The following ZNF229 variants were observed in gnomAD, a reference collection of about 807,000 sequenced individuals.
ZNF229 encodes zinc finger protein 229.
Under a neutral mutation model 11.8 loss-of-function variants are expected in ZNF229, and 10 were observed. The ratio of observed to expected loss-of-function variants is 0.85; its 90% CI spans 0.52 to 1.44. The LOEUF is 1.44. Among genes scored for constraint, ZNF229 ranks in the 40% most tolerant of loss-of-function variants. ZNF229 has a pLI of 0.00. For missense variants in ZNF229, 1,045 were observed against 1,015.1 expected, an observed-to-expected ratio of 1.03 and a Z score of -0.40; for synonymous variants, 368 against 374.8, an observed-to-expected ratio of 0.98 and a Z score of 0.21.
Position 44,429,350 on chromosome 19 carries a change from G to A in ZNF229, c.1431C>T (p.Ser477=). Residue 477 remains serine, a synonymous_variant, in exon 6 of 6, where the codon AGC becomes AGT. Transcript: ENST00000614049. ...GKGFSCSSHL[S]SHQKTHTGER... Reference sequence around the variant, plus strand: ...CGCCGGTGTGTGTCTTCTGATGACTGCTGAGGTGGGAGCTGCAGCTGAATC... The same window carrying A: ...CGCCGGTGTGTGTCTTCTGATGACTACTGAGGTGGGAGCTGCAGCTGAATC... The A allele has an allele frequency of 6.2e-7, 1 of 1,614,074 alleles. No homozygotes were observed. Among genetic ancestry groups the A allele is most frequent in the South Asian group, 1.1e-5 (1 of 91,080 alleles).
At chr19:44,432,417 G>T in intron 4 of ZNF229, 51 bp from the exon 5 acceptor site, 1 of 1,598,362 alleles carries the variant, frequency 6.3e-7, no homozygotes, top group Non-Finnish European at 8.5e-7. Context: ...AGACAAACTG[G>T]TGTCCACAGA....
At chr19:44,441,593 A>G (rs1971910274) in intron 4 of ZNF229, among the ~76,000 whole-genome samples, 1 of 152,208 alleles carries the variant, frequency 6.6e-6, no homozygotes, top group African/African-American at 2.4e-5. Flanking sequence ...TAGAATCTAG[A>G]CAAAAGAACG....
chr19:44,447,350 C>T (rs758164865), intron 2 of ZNF229, among the ~76,000 whole-genome samples, 163 bp downstream of exon 2: 4 of 152,124 alleles, frequency 2.6e-5, no homozygotes, highest in Non-Finnish European at 5.9e-5. Flanking sequence ...GAAGAGAATA[C>T]ACTAAATAAA....
chr19:44,443,022 G>T lies in ZNF229; in HGVS notation c.-175C>A. ...GCGCGACTGCTTCCCATGGTCAGGGGACCTGTAGGTTCGGGAGGGAACTTT... is the reference window on the plus strand; with the variant it reads ...GCGCGACTGCTTCCCATGGTCAGGGTACCTGTAGGTTCGGGAGGGAACTTT... On this transcript the variant is annotated splice_region_variant and 5_prime_UTR_variant, in exon 3 of 6. Coordinates refer to ENST00000614049, the MANE Select transcript of ZNF229 (RefSeq NM_014518.4). 2.8e-6 allele frequency: 2 copies of T among 707,082 alleles called. No homozygotes were observed. The highest frequency in any genetic ancestry group is 4.7e-6 in the Non-Finnish European group (2 of 424,598). 43.8% of individuals were successfully genotyped at this position (707,082 alleles called of 1,614,324 possible).
intron 4 of ZNF229, among the ~76,000 whole-genome samples, chr19:44,439,242 A>C (rs1208303688): frequency 1.3e-5 from 2 of 152,206 alleles, no homozygotes; most frequent in Non-Finnish European, 2.9e-5. Flanking sequence ...AACAGCACTT[A>C]GAGTTTCAGT....
chr19:44,442,777 G>T, intron 3 of ZNF229, 37 bp downstream of exon 3: 2 of 1,607,400 alleles, frequency 1.2e-6, no homozygotes, highest in African/African-American at 1.3e-5. Flanking sequence ...ACTCAGTTTG[G>T]ATTCTCCCCC....
chr19:44,443,440 C>T (rs1971951122), intron 2 of ZNF229, among the ~76,000 whole-genome samples: 1 of 152,158 alleles, frequency 6.6e-6, no homozygotes, highest in East Asian at 1.9e-4. Flanking sequence ...TTAGAGCCAT[C>T]TTTAGTCAGC....
Position 44,427,850 on chromosome 19 carries a change from T to C in ZNF229, c.*453A>G, listed in dbSNP as rs957394586. 4.5e-5 allele frequency: 7 copies of C among 155,230 alleles called. No individual in the cohort carries two copies. Among genetic ancestry groups the C allele is most frequent in the Admixed American group, 3.8e-4 (6 of 15,730 alleles). 9.6% of individuals were successfully genotyped at this position (155,230 alleles called of 1,614,324 possible). On this transcript the variant is annotated 3_prime_UTR_variant, in exon 6 of 6. Transcript: ENST00000614049. ...AATGTTAATGTTATCTTTTTGTTTT[T>C]ATAAAGCGATCTTTAAAAAGATATG... is the stretch of plus-strand genomic sequence containing the variant.
intron 4 of ZNF229, among the ~76,000 whole-genome samples, chr19:44,436,341 G>A (rs368749299): frequency 2.0e-5 from 3 of 152,056 alleles, no homozygotes; most frequent in African/African-American, 7.2e-5. Flanking sequence ...CAGCCTGGGT[G>A]ACAGAGAGAA....
Position 44,430,104 on chromosome 19 carries a change from G to A in ZNF229, c.677C>T (p.Ser226Phe), listed in dbSNP as rs558288603. Residue 226 changes from serine (S) to phenylalanine (F), a missense_variant, in exon 6 of 6, where the codon TCT (serine) becomes TTT (phenylalanine). Ser to Phe is a radical substitution (Grantham distance 155, BLOSUM62 -2). Transcript: ENST00000614049. ...NWDDDSFCWI[S>F]CHVDHRFPEI... Reference sequence around the variant, plus strand: ...AGGGAATCTGTGATCAACATGACAAGATATCCAGCAAAAGCTGTCATCATC... The same window carrying A: ...AGGGAATCTGTGATCAACATGACAAAATATCCAGCAAAAGCTGTCATCATC... 6.8e-6 allele frequency: 11 copies of A among 1,614,120 alleles called. No homozygotes were observed. In the South Asian group the frequency reaches 1.2e-4, roughly 18 times the overall value.
chr19:44,432,070 A>G (rs2356889), intron 5 of ZNF229, 152 bp downstream of exon 5: 627,382 of 1,374,336 alleles, frequency 0.46, 147,493 homozygotes, highest in South Asian at 0.6. Context: ...CCAGAAATAA[A>G]CTTCTGTTGT....
chr19:44,434,175 T>C (rs1273657210), intron 4 of ZNF229, among the ~76,000 whole-genome samples: 1 of 152,150 alleles, frequency 6.6e-6, no homozygotes, highest in African/African-American at 2.4e-5. Context: ...CCAAGAAGTC[T>C]GTTACAATTT....
rs376063242 is a variant in ZNF229, at chr19:44,429,134, G to A, written c.1647C>T (p.Cys549=). The A allele has an allele frequency of 2.4e-5, 38 of 1,609,496 alleles. No homozygotes were observed. Among genetic ancestry groups the A allele is most frequent in the Admixed American group, 6.7e-5 (4 of 59,582 alleles). The change falls in exon 6 of 6, where the codon TGC becomes TGT. Residue 549 remains cysteine, a synonymous_variant. Transcript: ENST00000614049. ...HTGEKPYKCE[C]GKSFGRSSDL... ...CGGAGCTCCGGCCAAAGCTCTTCCCGCACTCGCATTTGTAGGGTTTCTCTC... is the reference window on the plus strand; with the variant it reads ...CGGAGCTCCGGCCAAAGCTCTTCCCACACTCGCATTTGTAGGGTTTCTCTC...
chr19:44,441,594 C>T (rs909589094), intron 4 of ZNF229, among the ~76,000 whole-genome samples: 1 of 151,746 alleles, frequency 6.6e-6, no homozygotes, highest in Admixed American at 6.6e-5. Context: ...AGAATCTAGA[C>T]AAAAGAACGA....
At chr19:44,435,027 G>C (rs1971788628) in intron 4 of ZNF229, among the ~76,000 whole-genome samples, 1 of 152,084 alleles carries the variant, frequency 6.6e-6, no homozygotes, top group African/African-American at 2.4e-5. Flanking sequence ...CACCATGTAA[G>C]ACATCCCTTG....
In ZNF229 at chr19:44,428,555, G is replaced by A. The variant is rs750519298; in HGVS notation, c.2226C>T (p.Cys742=). 1.6e-5 allele frequency: 25 copies of A among 1,610,898 alleles called. No homozygotes were observed. In the East Asian group the frequency reaches 5.5e-4, roughly 35 times the overall value. The change falls in exon 6 of 6, where the codon TGC becomes TGT. Residue 742 remains cysteine, a synonymous_variant. Transcript: ENST00000614049. ...RVHTGEKPYR[C]HVCGKGYSQS... ...GACTATAGCCCTTCCCACACACGTG[G>A]CATCTGTATGGCTTCTCGCCAGTGT...
chr19:44,429,675 C>A lies in ZNF229; in HGVS notation c.1106G>T (p.Gly369Val). 1.2e-6 allele frequency: 2 copies of A among 1,614,118 alleles called. No homozygotes were observed. Among genetic ancestry groups the A allele is most frequent in the Non-Finnish European group, 1.7e-6 (2 of 1,180,034 alleles). ...ATAGGGTCTCCTTCCTGTGTGCACC[C>A]CTTGATGAATAAGAAGAACCGATTT... ...RYKSVLLIHQ[G>V]VHTGRRPYKC... The change falls in exon 6 of 6, where the codon GGG becomes GTG. Residue 369 changes from glycine (G) to valine (V), a missense_variant. Physicochemically the swap from Gly to Val is moderately radical, Grantham distance 109 (BLOSUM62 -3). Transcript: ENST00000614049.
In ZNF229 at chr19:44,428,309, A is replaced by C; in HGVS notation, c.2472T>G (p.Tyr824Ter). Residue 824 changes from tyrosine (Y) to a stop codon, truncating the protein, a stop_gained, in exon 6 of 6, where the codon TAT becomes TAG. Coordinates refer to ENST00000614049, the MANE Select transcript of ZNF229 (RefSeq NM_014518.4). LOFTEE classifies it high-confidence loss of function. ...HQRVHLGENP[Y>*]K ...TGGAATCCTCTATGTACATCTACTT[A>C]TAAGGGTTCTCGCCTAAATGCACTC... 6.2e-7 allele frequency: 1 copy of C among 1,608,354 alleles called. No homozygotes were observed. The highest frequency in any genetic ancestry group is 8.5e-7 in the Non-Finnish European group (1 of 1,176,134).
chr19:44,441,990 T>C (rs1971918951), intron 4 of ZNF229, among the ~76,000 whole-genome samples: 1 of 152,222 alleles, frequency 6.6e-6, no homozygotes, highest in African/African-American at 2.4e-5. Flanking sequence ...TTATAGTCTT[T>C]TCATATGATT....
Sources: gnomAD v4.1 joint callset for allele counts (sites outside exome capture counted in the v4.1 genomes callset) on GRCh38, gnomAD v4.1.1 for gene constraint, MANE v1.5 for transcripts, NCBI Gene and HGNC (gene_info 2026-07-23, HGNC 2026-07-21) for gene names.